The following NBEA variants were observed in gnomAD, a reference collection of about 807,000 sequenced individuals.
The protein encoded by NBEA is lysosomal-trafficking regulator 2.
Under a neutral mutation model 343.4 loss-of-function variants are expected in NBEA, and 44 were observed. The observed-to-expected ratio is 0.13, with a 90% CI of 0.10 to 0.16. The LOEUF is 0.16. Among genes scored for constraint, NBEA ranks in the 10% least tolerant of loss-of-function variants. The pLI is 1.00. For synonymous variants in NBEA, 1,175 were observed against 1,238.7 expected, an observed-to-expected ratio of 0.95 and a Z score of 1.08; for missense variants, 2,555 against 3,631.3, an observed-to-expected ratio of 0.70 and a Z score of 7.62.
chr13:35,315,780 A>G (rs2037674444), intron 36 of NBEA, among the ~76,000 whole-genome samples: 1 of 152,168 alleles, frequency 6.6e-6, no homozygotes, highest in African/African-American at 2.4e-5. Context: ...GCATCCAAGT[A>G]TAATTTTTTA....
chr13:35,374,761 G>A (rs2152886608), intron 38 of NBEA, among the ~76,000 whole-genome samples: 1 of 152,044 alleles, frequency 6.6e-6, no homozygotes, highest in Non-Finnish European at 1.5e-5. Flanking sequence ...ATAGTCACCA[G>A]CATATTTCAA....
At chr13:35,142,239 TG>T in intron 17 of NBEA, 29 bp from the exon 18 acceptor site, 1 of 1,421,490 alleles carries the variant, frequency 7.0e-7, no homozygotes. Context: ...ATGTGTTTCA[TG>T]GTGTTTTATT....
Position 35,183,617 on chromosome 13 carries a change from A to C in NBEA, c.4832-359A>C, listed in dbSNP as rs150220180. Among the ~76,000 whole-genome samples, 936 of 152,078 alleles carry C rather than the reference A, an allele frequency of 6.2e-3. 11 individuals carry two copies. Among genetic ancestry groups the C allele is most frequent in the African/African-American group, 0.021 (885 of 41,530 alleles). ...TATTATTCAAATTAAACATCATCCT[A>C]CCATTCCAGTTCATGTTTTTTCACC... is the stretch of plus-strand genomic sequence containing the variant. On this transcript the variant is annotated intron_variant, in intron 29 of 58. Transcript: ENST00000379939.
chr13:35,286,261 G>A (rs1303363401), intron 34 of NBEA, among the ~76,000 whole-genome samples: 2 of 152,088 alleles, frequency 1.3e-5, no homozygotes, highest in Non-Finnish European at 2.9e-5. Context: ...TCTAAAAAAT[G>A]ATGTTCTTAT....
Position 35,628,062 on chromosome 13 carries a change from C to A in NBEA, c.7450-19C>A, listed in dbSNP as rs997947693. The A allele has an allele frequency of 6.9e-6, 11 of 1,595,478 alleles. No individual in the cohort carries two copies. The highest frequency in any genetic ancestry group is 8.5e-6 in the Non-Finnish European group (10 of 1,170,620). On this transcript the variant is annotated intron_variant, in intron 48 of 58. Coordinates refer to ENST00000379939, the MANE Select transcript of NBEA (RefSeq NM_001385012.1). The stretch of plus-strand genomic sequence containing the variant: ...ACTAAGTTTTGATGGTCTCTCATTT[C>A]TTTCTTGACTCATTTCAGGCCCTAG...
chr13:35,172,456 T>G (rs910310943), intron 26 of NBEA, among the ~76,000 whole-genome samples: 2 of 151,744 alleles, frequency 1.3e-5, no homozygotes, highest in East Asian at 1.9e-4. Context: ...GAGAAAGAGA[T>G]ATATATATAT....
chr13:35,290,382 G>T lies in NBEA; in HGVS notation c.5777-7G>T, dbSNP rs1338981646. 2 of 1,593,254 alleles carry T rather than the reference G, an allele frequency of 1.3e-6. No homozygotes were observed. Among genetic ancestry groups the T allele is most frequent in the Non-Finnish European group, 8.6e-7 (1 of 1,163,924 alleles). On this transcript the variant is annotated splice_region_variant and splice_polypyrimidine_tract_variant and intron_variant, in intron 34 of 58. Transcript: ENST00000379939. The stretch of plus-strand genomic sequence containing the variant: ...TTTCATTTTGTTTTAACCTTTCTTT[G>T]TTGTAGGCCTTGTTTGTATGAAGTC...
chr13:35,373,156 G>T (rs2041540844), intron 38 of NBEA, among the ~76,000 whole-genome samples: 1 of 152,030 alleles, frequency 6.6e-6, no homozygotes, highest in Non-Finnish European at 1.5e-5. Flanking sequence ...AGCTGAGTGG[G>T]CTGCCTCACA....
At chr13:35,263,682 A>G (rs2033413259) in intron 34 of NBEA, among the ~76,000 whole-genome samples, 2 of 152,106 alleles carry the variant, frequency 1.3e-5, no homozygotes, top group Non-Finnish European at 2.9e-5. Flanking sequence ...TAAACAACTA[A>G]TGGGTCAAAG....
intron 49 of NBEA, among the ~76,000 whole-genome samples, chr13:35,640,803 TTTC>T (rs1403864435): frequency 6.6e-6 from 1 of 152,180 alleles, no homozygotes; most frequent in Non-Finnish European, 1.5e-5. Context: ...CTGTTCAGAT[TTTC>T]TTATTTTGTT....
chr13:35,638,763 G>A (rs770829182), intron 49 of NBEA, among the ~76,000 whole-genome samples: 1 of 152,208 alleles, frequency 6.6e-6, no homozygotes, highest in Non-Finnish European at 1.5e-5. Context: ...GAGAAATTGA[G>A]TGAGCTTGTC....
intron 38 of NBEA, among the ~76,000 whole-genome samples, chr13:35,359,677 A>G (rs1035609637): frequency 6.6e-6 from 1 of 152,056 alleles, no homozygotes; most frequent in East Asian, 1.9e-4. Flanking sequence ...TTCCAGATTC[A>G]GTGTTGTTAA....
At chr13:35,469,983 A>G (rs74041750) in intron 40 of NBEA, among the ~76,000 whole-genome samples, 6,429 of 152,250 alleles carry the variant, frequency 0.042, 208 homozygotes, top group South Asian at 0.098. Context: ...CCCTCTCTCT[A>G]TTCTGTAGTG....
At chr13:35,065,160 T>G (rs1593232948) in intron 8 of NBEA, among the ~76,000 whole-genome samples, 1 of 151,938 alleles carries the variant, frequency 6.6e-6, no homozygotes, top group East Asian at 1.9e-4. Context: ...GAAATAGTAT[T>G]TCTTGAGAAA....
At chr13:35,523,507 G>T (rs897027021) in intron 41 of NBEA, among the ~76,000 whole-genome samples, 1 of 152,144 alleles carries the variant, frequency 6.6e-6, no homozygotes, top group Admixed American at 6.5e-5. Flanking sequence ...AGCAGTCTGG[G>T]CTGGACCCTT....
At chr13:35,258,170 A>ATT (rs572598945) in intron 34 of NBEA, among the ~76,000 whole-genome samples, 3 of 134,654 alleles carry the variant, frequency 2.2e-5, no homozygotes, top group East Asian at 4.3e-4. Flanking sequence ...AGTCTTTGTC[A>ATT]TTTTTTTTTT....
intron 47 of NBEA, among the ~76,000 whole-genome samples, chr13:35,602,452 A>C (rs2082096439): frequency 6.6e-6 from 1 of 152,168 alleles, no homozygotes; most frequent in Non-Finnish European, 1.5e-5. Context: ...CCAACTCTGG[A>C]CTTCGGGTTC....
At chr13:35,339,233 T>G (rs1344334667) in intron 36 of NBEA, among the ~76,000 whole-genome samples, 1 of 151,548 alleles carries the variant, frequency 6.6e-6, no homozygotes, top group Non-Finnish European at 1.5e-5. Flanking sequence ...AAGGTAGGAC[T>G]TATATATAGC....
intron 1 of NBEA, among the ~76,000 whole-genome samples, chr13:35,028,585 A>C (rs2062093816): frequency 6.6e-6 from 1 of 151,828 alleles, no homozygotes; most frequent in African/African-American, 2.4e-5. Context: ...TGTCATATGC[A>C]GATGGAACAG....
Sources: allele counts gnomAD v4.1 joint callset (sites outside exome capture counted in the v4.1 genomes callset), GRCh38; gene constraint gnomAD v4.1.1; transcripts MANE v1.5; gene names NCBI Gene and HGNC (gene_info 2026-07-23, HGNC 2026-07-21).